The following CSMD2 variants were observed in gnomAD, a reference collection of about 807,000 sequenced individuals.
CSMD2 encodes CUB and sushi domain-containing protein 2.
CSMD2 carries 130 observed loss-of-function variants against 398.5 expected under a neutral mutation model. The observed-to-expected ratio is 0.33, with a 90% CI of 0.28 to 0.38. The LOEUF is 0.38. Ranked by LOEUF, CSMD2 falls within the 10% of genes least tolerant of loss-of-function variation. The probability of loss-of-function intolerance (pLI) is 1.00; values close to 1 mark genes in which losing one functional copy is unlikely to be tolerated. For synonymous variants in CSMD2, 1,828 were observed against 1,908.5 expected, an observed-to-expected ratio of 0.96 and a Z score of 1.10; for missense variants, 3,829 against 4,764.9, an observed-to-expected ratio of 0.80 and a Z score of 5.78.
At chr1:34,151,310 T>G (rs1350714722) in intron 1 of CSMD2, among the ~76,000 whole-genome samples, 2 of 152,112 alleles carry the variant, frequency 1.3e-5, no homozygotes, top group East Asian at 1.9e-4. Flanking sequence ...CATGAGCCAG[T>G]CCCAATGCTC....
In CSMD2 at chr1:34,106,052, A is replaced by T. The variant is rs115902899; in HGVS notation, c.188-16859T>A. 5.9e-3 allele frequency among the ~76,000 whole-genome samples: 901 copies of T among 152,246 alleles called. 14 individuals are homozygous for T. Among genetic ancestry groups the T allele is most frequent in the African/African-American group, 0.021 (858 of 41,530 alleles). ...TTCAGTCAGCAAATCTGGGGAATGG[A>T]TGGCTTAGTTCCAGGGTTTATAGGT... On this transcript the variant is annotated intron_variant, in intron 1 of 70. Transcript: ENST00000373381.
intron 10 of CSMD2, among the ~76,000 whole-genome samples, chr1:33,800,028 C>T (rs984093748): frequency 6.6e-6 from 1 of 152,208 alleles, no homozygotes; most frequent in Non-Finnish European, 1.5e-5. Context: ...CAAGGCCTGC[C>T]CCTGCCACTT....
chr1:33,687,022 G>A (rs143504021), intron 25 of CSMD2, among the ~76,000 whole-genome samples: 9 of 152,322 alleles, frequency 5.9e-5, no homozygotes, highest in African/African-American at 1.9e-4. Flanking sequence ...GCAACCTTAA[G>A]GAGGGTACCC....
intron 2 of CSMD2, among the ~76,000 whole-genome samples, chr1:34,075,815 G>A (rs1278643514): frequency 1.3e-5 from 2 of 152,204 alleles, no homozygotes; most frequent in East Asian, 1.9e-4. Flanking sequence ...AAGCAGAGAC[G>A]TGGGGATTGT....
At chr1:33,724,385 C>A in intron 18 of CSMD2, 72 bp from the exon 19 acceptor site, 2 of 1,485,982 alleles carry the variant, frequency 1.3e-6, no homozygotes, top group South Asian at 2.3e-5. Context: ...CCTCCTGGGA[C>A]CCCATCCCCC....
At chr1:34,109,335 G>C (rs1235587319) in intron 1 of CSMD2, among the ~76,000 whole-genome samples, 1 of 152,130 alleles carries the variant, frequency 6.6e-6, no homozygotes, top group Non-Finnish European at 1.5e-5. Flanking sequence ...CTATCAAAAG[G>C]GAGAGCTCAA....
intron 5 of CSMD2, among the ~76,000 whole-genome samples, chr1:33,881,175 A>G (rs1641213409): frequency 6.6e-6 from 1 of 152,146 alleles, no homozygotes; most frequent in Non-Finnish European, 1.5e-5. Context: ...CAGGGCATTT[A>G]TTGTCTTTCT....
intron 12 of CSMD2, among the ~76,000 whole-genome samples, chr1:33,774,193 G>A (rs957106579): frequency 2.0e-5 from 3 of 151,878 alleles, no homozygotes; most frequent in African/African-American, 7.3e-5. Context: ...TTGTGCAGGG[G>A]AGTCTGTGTG....
At chr1:33,816,502 A>G (rs1192379916) in intron 9 of CSMD2, among the ~76,000 whole-genome samples, 2 of 152,166 alleles carry the variant, frequency 1.3e-5, no homozygotes, top group Non-Finnish European at 2.9e-5. Context: ...GAGATGCTCC[A>G]CTTGTATCTG....
intron 1 of CSMD2, among the ~76,000 whole-genome samples, chr1:34,147,340 G>C (rs768335073): frequency 5.3e-5 from 8 of 152,156 alleles, no homozygotes; most frequent in Non-Finnish European, 1.0e-4. Flanking sequence ...CAATATTAAA[G>C]CAAATGTTAA....
intron 2 of CSMD2, among the ~76,000 whole-genome samples, chr1:34,082,235 C>A (rs1235252556): frequency 6.6e-6 from 1 of 150,996 alleles, no homozygotes; most frequent in Non-Finnish European, 1.5e-5. Context: ...AGCGCCTCTG[C>A]CCGGCCGCGA....
chr1:34,152,509 C>T (rs1431352983), intron 1 of CSMD2, among the ~76,000 whole-genome samples: 2 of 152,244 alleles, frequency 1.3e-5, no homozygotes, highest in Non-Finnish European at 2.9e-5. Context: ...GGTGAGCAAA[C>T]CTTCTTCCAG....
intron 3 of CSMD2, among the ~76,000 whole-genome samples, chr1:34,011,830 A>AT (rs976106166): frequency 1.3e-5 from 2 of 151,996 alleles, no homozygotes; most frequent in Non-Finnish European, 2.9e-5. Flanking sequence ...CATGATAATG[A>AT]TTTTTTCAAC....
chr1:34,001,240 C>A lies in CSMD2; in HGVS notation c.517+31354G>T, dbSNP rs547733638. On this transcript the variant is annotated intron_variant, in intron 3 of 70. Coordinates refer to ENST00000373381, the MANE Select transcript of CSMD2 (RefSeq NM_001281956.2). Reference sequence around the variant, plus strand: ...TATTGACAAAAGAAATTCAACATATCCATAGAGAAAAACATACAAAGATAT... The same window carrying A: ...TATTGACAAAAGAAATTCAACATATACATAGAGAAAAACATACAAAGATAT... 1.3e-5 allele frequency among the ~76,000 whole-genome samples: 2 copies of A among 151,954 alleles called. 1 individual carries two copies. The highest frequency in any genetic ancestry group is 4.2e-4 in the South Asian group (2 of 4,806).
Position 33,550,346 on chromosome 1 carries a change from C to A in CSMD2, c.8748G>T (p.Val2916=). Residue 2916 remains valine, a synonymous_variant, in exon 56 of 71, where the codon GTG becomes GTT. Coordinates refer to ENST00000373381, the MANE Select transcript of CSMD2 (RefSeq NM_001281956.2). ...WDRPRPQCLL[V]SCGHPGSPPH... ...GCGGGGAGCCCGGATGGCCACAGGA[C>A]ACCACTGTGGGGGAAAAGCAAACAT... 1 of 1,613,504 alleles carries A rather than the reference C, an allele frequency of 6.2e-7. No individual in the cohort carries two copies.
Position 33,836,621 on chromosome 1 carries a change from T to C in CSMD2, c.1033+10263A>G, listed in dbSNP as rs558874096. 3.3e-5 allele frequency among the ~76,000 whole-genome samples: 5 copies of C among 152,318 alleles called. No individual in the cohort carries two copies. In the South Asian group the frequency reaches 1.0e-3, roughly 32 times the overall value. ...GCAGTTTGATCTCAGACTGCTGTGCTAGCAATGAGCGAGGCTCCGTGGGTG... is the reference window on the plus strand; with the variant it reads ...GCAGTTTGATCTCAGACTGCTGTGCCAGCAATGAGCGAGGCTCCGTGGGTG... On this transcript the variant is annotated intron_variant, in intron 6 of 70. Transcript: ENST00000373381.
At chr1:34,156,414 C>A (rs912672401) in intron 1 of CSMD2, among the ~76,000 whole-genome samples, 2 of 152,230 alleles carry the variant, frequency 1.3e-5, no homozygotes, top group African/African-American at 2.4e-5. Flanking sequence ...TCATTCTGCA[C>A]AAAATGTCTG....
chr1:33,703,516 A>T (rs1356195852), intron 22 of CSMD2, among the ~76,000 whole-genome samples: 1 of 152,238 alleles, frequency 6.6e-6, no homozygotes, highest in Non-Finnish European at 1.5e-5. Context: ...AATCCAAGAG[A>T]ATCTATGCAC....
chr1:34,001,622 C>A (rs1898289), intron 3 of CSMD2, among the ~76,000 whole-genome samples: 3,819 of 152,304 alleles, frequency 0.025, 157 homozygotes, highest in African/African-American at 0.085. Flanking sequence ...TAAGAAGTAT[C>A]TGACAGTGGA....
Sources: allele counts gnomAD v4.1 joint callset (sites outside exome capture counted in the v4.1 genomes callset), GRCh38; gene constraint gnomAD v4.1.1; transcripts MANE v1.5; gene names NCBI Gene and HGNC (gene_info 2026-07-23, HGNC 2026-07-21).